Variants in BABAM2 observed in about 807,000 individuals in gnomAD.
BABAM2 encodes the protein BRISC and BRCA1-A complex member 2.
BABAM2 carries 31 observed loss-of-function variants against 54.7 expected under a neutral mutation model. The observed-to-expected ratio is 0.57, with a 90% CI of 0.43 to 0.77. The LOEUF (loss-of-function observed/expected upper bound fraction) is 0.77. Among genes scored for constraint, BABAM2 ranks in the 30% least tolerant of loss-of-function variants. The pLI, the probability that BABAM2 is intolerant of heterozygous loss-of-function variation, is 0.00. For synonymous variants in BABAM2, 167 were observed against 162.9 expected, an observed-to-expected ratio of 1.03 and a Z score of -0.19; for missense variants, 364 against 455.8, an observed-to-expected ratio of 0.80 and a Z score of 1.83.
intron 3 of BABAM2, among the ~76,000 whole-genome samples, chr2:27,983,384 A>T (rs1672158102): frequency 6.6e-6 from 1 of 152,060 alleles, no homozygotes; most frequent in Non-Finnish European, 1.5e-5. Flanking sequence ...CTTTGTAACA[A>T]CTTTTATAAT....
intron 11 of BABAM2, chr2:28,327,478 C>A: frequency 6.6e-7 from 1 of 1,526,514 alleles, no homozygotes; most frequent in Non-Finnish European, 8.8e-7. Context: ...TGTGATTTAG[C>A]AGGAACCAGA....
At chr2:28,158,234 AT>A in intron 7 of BABAM2, among the ~76,000 whole-genome samples, 1 of 152,338 alleles carries the variant, frequency 6.6e-6, no homozygotes, top group East Asian at 1.9e-4. Flanking sequence ...TCACCTAATA[AT>A]AAAAAAACTC....
chr2:28,026,835 T>A (rs1218559502), intron 5 of BABAM2, among the ~76,000 whole-genome samples: 13 of 54,328 alleles, frequency 2.4e-4, no homozygotes, highest in African/African-American at 7.9e-4. Flanking sequence ...TATATATAAA[T>A]ATATATAAAT....
intron 7 of BABAM2, among the ~76,000 whole-genome samples, chr2:28,150,254 G>A (rs547415702): frequency 6.2e-4 from 95 of 152,334 alleles, no homozygotes; most frequent in African/African-American, 2.2e-3. Flanking sequence ...CAAGTGAAAA[G>A]TAGAGGGAAT....
At chr2:28,149,407 A>G (rs898656486) in intron 7 of BABAM2, among the ~76,000 whole-genome samples, 2 of 152,042 alleles carry the variant, frequency 1.3e-5, no homozygotes, top group Admixed American at 6.6e-5. Flanking sequence ...CTATCTTTGT[A>G]TATTTGCACA....
At position 27,966,524 on chromosome 2, in the gene BABAM2, G is replaced by C. The variant is rs187706912; in HGVS notation, c.206-21469G>C. 5.9e-5 allele frequency among the ~76,000 whole-genome samples: 9 copies of C among 152,286 alleles called. No homozygotes were observed. The East Asian group carries it at 1.7e-3, about 29-fold the overall frequency. ...GCATGATGGCTCTTCAGGTCTTGTTGATCTGACCCCCAAAGCCTTTGATAG... is the reference window on the plus strand; with the variant it reads ...GCATGATGGCTCTTCAGGTCTTGTTCATCTGACCCCCAAAGCCTTTGATAG... On this transcript the variant is annotated intron_variant, in intron 3 of 11. Coordinates refer to ENST00000379624, the MANE Select transcript of BABAM2 (RefSeq NM_199191.3).
chr2:28,040,767 T>C (rs1437298701), intron 5 of BABAM2, among the ~76,000 whole-genome samples: 1 of 152,248 alleles, frequency 6.6e-6, no homozygotes, highest in Admixed American at 6.5e-5. Context: ...TTCATAGTAT[T>C]GTTTCTTTTA....
intron 6 of BABAM2, among the ~76,000 whole-genome samples, chr2:28,060,146 A>G (rs1320374250): frequency 6.6e-6 from 1 of 152,228 alleles, no homozygotes; most frequent in Non-Finnish European, 1.5e-5. Flanking sequence ...AAAGGATGAT[A>G]CATTATGAAT....
chr2:28,206,125 C>T (rs1368334203), intron 7 of BABAM2, among the ~76,000 whole-genome samples: 1 of 152,056 alleles, frequency 6.6e-6, no homozygotes, highest in Non-Finnish European at 1.5e-5. Context: ...CCACTATATA[C>T]CAATCACTTT....
In BABAM2 at chr2:28,304,523, T is replaced by C. The variant is rs1688359764; in HGVS notation, c.1088+6032T>C. The stretch of plus-strand genomic sequence containing the variant: ...CATGGCATCCTGTGACATTGCTAAA[T>C]TCACTTATTACTACTAAAATCTAAT... On this transcript the variant is annotated intron_variant, in intron 11 of 11. Coordinates refer to ENST00000379624, the MANE Select transcript of BABAM2 (RefSeq NM_199191.3). This position sits in a 1 kb window ranked among gnomAD's most constrained non-coding sequence, Gnocchi z 4.0. 6.6e-6 allele frequency among the ~76,000 whole-genome samples: 1 copy of C among 151,930 alleles called. No homozygotes were observed. Among genetic ancestry groups the C allele is most frequent in the Non-Finnish European group, 1.5e-5 (1 of 67,964 alleles).
chr2:28,026,823 T>C (rs1174105820), intron 5 of BABAM2, among the ~76,000 whole-genome samples: 1 of 70,654 alleles, frequency 1.4e-5, no homozygotes, highest in African/African-American at 7.6e-5. Context: ...AATATATATT[T>C]ATATATATAA....
chr2:28,089,943 T>G (rs1666018236), intron 6 of BABAM2, among the ~76,000 whole-genome samples: 1 of 151,982 alleles, frequency 6.6e-6, no homozygotes, highest in African/African-American at 2.4e-5. Flanking sequence ...ATAGAAAGAT[T>G]TAGGGATTTA....
chr2:28,095,744 G>T (rs1225100249), intron 6 of BABAM2, among the ~76,000 whole-genome samples: 1 of 152,156 alleles, frequency 6.6e-6, no homozygotes, highest in Non-Finnish European at 1.5e-5. Flanking sequence ...TAATGGAAAT[G>T]CTGTTTCAAG....
chr2:28,325,938 G>T lies in BABAM2; in HGVS notation c.1089-12512G>T, dbSNP rs933590394. ...GGAGGGGAAGGTTAGAGGCCTCAAG[G>T]AGTTGATCTCCTAAGTGTTCCTGAG... On this transcript the variant is annotated intron_variant, in intron 11 of 11. Transcript: ENST00000379624. The surrounding 1 kb of genome is among the most constrained non-coding windows in gnomAD (Gnocchi z 4.3). 1.3e-5 allele frequency among the ~76,000 whole-genome samples: 2 copies of T among 152,226 alleles called. No individual in the cohort carries two copies. Among genetic ancestry groups the T allele is most frequent in the Non-Finnish European group, 2.9e-5 (2 of 68,050 alleles).
chr2:28,020,991 A>ACACACACACACACACAC (rs1573407122), intron 4 of BABAM2, among the ~76,000 whole-genome samples: 1 of 149,306 alleles, frequency 6.7e-6, no homozygotes, highest in African/African-American at 2.5e-5. Context: ...ACACACACAC[A>ACACACACACACACACAC]AACTACTTGT....
intron 7 of BABAM2, among the ~76,000 whole-genome samples, chr2:28,159,882 G>GA (rs36074681): frequency 4.2e-3 from 584 of 137,780 alleles, no homozygotes; most frequent in African/African-American, 5.9e-3. Flanking sequence ...TCCCCGCCGG[G>GA]AAAAAAAAAA....
chr2:27,903,715 A>T lies in BABAM2; in HGVS notation c.128+9031A>T, dbSNP rs370683208. ...CAAATTTAATGCCTTTTCTGTTTCAACTGAGCACGTAGCATACGCTGTAGC... is the reference window on the plus strand; with the variant it reads ...CAAATTTAATGCCTTTTCTGTTTCATCTGAGCACGTAGCATACGCTGTAGC... On this transcript the variant is annotated intron_variant, in intron 2 of 11. Coordinates refer to ENST00000379624, the MANE Select transcript of BABAM2 (RefSeq NM_199191.3). 9.9e-5 allele frequency among the ~76,000 whole-genome samples: 15 copies of T among 152,282 alleles called. No individual in the cohort carries two copies. In the East Asian group the frequency reaches 2.9e-3, roughly 29 times the overall value.
chr2:27,890,422 C>T, upstream of BABAM2: 1 of 1,407,974 alleles, frequency 7.1e-7, no homozygotes, highest in Admixed American at 2.0e-5. The surrounding 1 kb of genome is among the most constrained non-coding windows in gnomAD (Gnocchi z 4.8). Flanking sequence ...GACGCCACTC[C>T]TGCCCTCCCT....
intron 6 of BABAM2, among the ~76,000 whole-genome samples, chr2:28,053,556 T>G (rs1455730571): frequency 6.6e-6 from 1 of 152,226 alleles, no homozygotes. Flanking sequence ...AAAATTTGCA[T>G]TTGAGACTTA....
Sources: gnomAD v4.1 joint callset for allele counts (sites outside exome capture counted in the v4.1 genomes callset) on GRCh38, gnomAD v4.1.1 for gene constraint, Gnocchi (gnomAD v3.1) non-coding constraint, MANE v1.5 for transcripts, NCBI Gene and HGNC (gene_info 2026-07-23, HGNC 2026-07-21) for gene names.